FHIT: variants seen among roughly 807,000 people sequenced by gnomAD.
FHIT encodes bis(5'-adenosyl)-triphosphatase.
In FHIT, 19 loss-of-function variants were observed where a neutral mutation model predicts 17.9. That is an observed-to-expected ratio of 1.06 (90% CI 0.74 to 1.56). The LOEUF (loss-of-function observed/expected upper bound fraction) is 1.56. Ranked by LOEUF, FHIT falls within the 40% of genes most tolerant of loss-of-function variation. The pLI, the probability that FHIT is intolerant of heterozygous loss-of-function variation, is 0.00. For missense variants in FHIT, 248 were observed against 189.2 expected (o/e 1.31, Z -1.82); for synonymous variants, 81 against 69.7 (o/e 1.16, Z -0.81).
chr3:59,764,976 C>T (rs377461225), intron 8 of FHIT, among the ~76,000 whole-genome samples: 1 of 151,126 alleles, frequency 6.6e-6, no homozygotes. Context: ...TATTTTGAAG[C>T]CTCAGGCTAG....
At chr3:60,507,695 C>A (rs1452632543) in intron 5 of FHIT, among the ~76,000 whole-genome samples, 1 of 152,106 alleles carries the variant, frequency 6.6e-6, no homozygotes, top group Non-Finnish European at 1.5e-5. Flanking sequence ...TGATAAGCCC[C>A]AGTATACATT....
intron 3 of FHIT, among the ~76,000 whole-genome samples, chr3:60,934,818 G>C (rs1385150745): frequency 6.6e-6 from 1 of 152,140 alleles, no homozygotes; most frequent in African/African-American, 2.4e-5. Flanking sequence ...AGTTCCTGAA[G>C]AAGATGGGAA....
At chr3:60,391,200 AAAAC>A (rs761527122) in intron 5 of FHIT, among the ~76,000 whole-genome samples, 2 of 30,738 alleles carry the variant, frequency 6.5e-5, no homozygotes, top group East Asian at 2.6e-3. Flanking sequence ...AACAAAACAA[AAAAC>A]AAACAAACAA....
At chr3:61,181,337 T>C (rs2038336475) in intron 2 of FHIT, among the ~76,000 whole-genome samples, 2 of 152,204 alleles carry the variant, frequency 1.3e-5, no homozygotes, top group African/African-American at 2.4e-5. Flanking sequence ...AATATTTGTA[T>C]CTACAAGAAG....
At chr3:60,246,911 A>C (rs1478980260) in intron 5 of FHIT, among the ~76,000 whole-genome samples, 2 of 152,132 alleles carry the variant, frequency 1.3e-5, no homozygotes, top group East Asian at 1.9e-4. Context: ...TAGAATGACA[A>C]TATAGGGCTT....
chr3:61,194,369 CA>C (rs887147191), intron 2 of FHIT, among the ~76,000 whole-genome samples: 1 of 151,978 alleles, frequency 6.6e-6, no homozygotes, highest in Non-Finnish European at 1.5e-5. Flanking sequence ...TCCTTCAGTT[CA>C]AAGTACTCAG....
Position 59,927,462 on chromosome 3 carries a change from T to TCAAAA in FHIT, c.280-5049_280-5048insTTTTG, listed in dbSNP as rs1402307719. ...AATTATATCTCAATAAAGCTATTAC[T>TCAAAA]TAAAAAAAAAAAAAAAAACTGAAGG... On this transcript the variant is annotated intron_variant, in intron 7 of 9. Coordinates refer to ENST00000492590, the MANE Select transcript of FHIT (RefSeq NM_002012.4). Among the ~76,000 whole-genome samples the TCAAAA allele has an allele frequency of 1.6e-4, 15 of 91,532 alleles. No homozygotes were observed. In the South Asian group the frequency reaches 3.3e-3, roughly 20 times the overall value. 60.0% of individuals were successfully genotyped at this position (91,532 alleles called of 152,430 possible).
At chr3:60,763,957 AT>A (rs1699755047) in intron 4 of FHIT, among the ~76,000 whole-genome samples, 1 of 152,102 alleles carries the variant, frequency 6.6e-6, no homozygotes, top group African/African-American at 2.4e-5. Context: ...CCATGGTCTC[AT>A]TTCATTTTCC....
chr3:61,190,036 T>C (rs1164741464), intron 2 of FHIT, among the ~76,000 whole-genome samples: 1 of 152,074 alleles, frequency 6.6e-6, no homozygotes, highest in Non-Finnish European at 1.5e-5. Context: ...AAGGACTTCA[T>C]GTCTAAAACA....
chr3:60,339,397 C>G (rs936450752), intron 5 of FHIT, among the ~76,000 whole-genome samples: 1 of 152,152 alleles, frequency 6.6e-6, no homozygotes, highest in African/African-American at 2.4e-5. Context: ...TTCTAATTCT[C>G]ACCTAACACA....
intron 5 of FHIT, among the ~76,000 whole-genome samples, chr3:60,525,045 G>A (rs926869034): frequency 1.3e-5 from 2 of 152,174 alleles, no homozygotes; most frequent in Non-Finnish European, 2.9e-5. Context: ...TAGGAACCTT[G>A]TCAATCACTG....
intron 5 of FHIT, among the ~76,000 whole-genome samples, chr3:60,197,987 T>C (rs189122222): frequency 2.0e-5 from 3 of 152,334 alleles, no homozygotes; most frequent in Admixed American, 2.0e-4. Context: ...TATGAGGTTC[T>C]GTATACACCT....
intron 5 of FHIT, among the ~76,000 whole-genome samples, chr3:60,309,745 C>T (rs1436150884): frequency 6.6e-6 from 1 of 151,356 alleles, no homozygotes; most frequent in African/African-American, 2.4e-5. Flanking sequence ...TCCTGTTTAA[C>T]TTTTTTTTTC....
At chr3:60,035,113 A>G (rs1701160294) in intron 5 of FHIT, among the ~76,000 whole-genome samples, 1 of 152,190 alleles carries the variant, frequency 6.6e-6, no homozygotes, top group South Asian at 2.1e-4. Flanking sequence ...TATGACGGGG[A>G]GAGTCTCCTC....
At chr3:59,941,482 C>T (rs1467452817) in intron 7 of FHIT, among the ~76,000 whole-genome samples, 1 of 152,180 alleles carries the variant, frequency 6.6e-6, no homozygotes, top group Non-Finnish European at 1.5e-5. Context: ...TGCAAAGGGC[C>T]TCCTTGTGAT....
At chr3:60,364,078 A>T (rs1317054516) in intron 5 of FHIT, among the ~76,000 whole-genome samples, 2 of 152,222 alleles carry the variant, frequency 1.3e-5, no homozygotes, top group African/African-American at 4.8e-5. Flanking sequence ...ACAACTTTGT[A>T]AACAGTCCCA....
At chr3:60,165,436 A>C (rs143215794) in intron 5 of FHIT, among the ~76,000 whole-genome samples, 2,169 of 152,292 alleles carry the variant, frequency 0.014, 53 homozygotes, top group African/African-American at 0.047. Flanking sequence ...TCACTAATGC[A>C]TGTGGGAGAT....
chr3:59,983,386 T>C (rs945444254), intron 7 of FHIT, among the ~76,000 whole-genome samples: 1 of 152,140 alleles, frequency 6.6e-6, no homozygotes, highest in Non-Finnish European at 1.5e-5. Context: ...TACAATCAAC[T>C]ATGGCCTGAA....
intron 2 of FHIT, among the ~76,000 whole-genome samples, chr3:61,122,196 T>C (rs1399467469): frequency 3.9e-5 from 6 of 151,996 alleles, no homozygotes; most frequent in Admixed American, 2.6e-4. Context: ...TCAGAAATAA[T>C]ACCACACATC....
Sources: allele counts gnomAD v4.1 joint callset (sites outside exome capture counted in the v4.1 genomes callset), GRCh38; gene constraint gnomAD v4.1.1; transcripts MANE v1.5; gene names NCBI Gene and HGNC (gene_info 2026-07-23, HGNC 2026-07-21).